CA10: variants seen among roughly 807,000 people sequenced by gnomAD.
The protein encoded by CA10 is carbonic anhydrase-related protein 10.
Under a neutral mutation model 44.2 loss-of-function variants are expected in CA10, and 14 were observed. The ratio of observed to expected loss-of-function variants is 0.32; its 90% CI spans 0.21 to 0.50. CA10 has a LOEUF of 0.50. Ranked by LOEUF, CA10 falls within the 20% of genes least tolerant of loss-of-function variation. CA10 has a pLI of 0.99. For missense variants in CA10, 350 were observed against 409.7 expected (o/e 0.85, Z 1.26); for synonymous variants, 159 against 141.6 (o/e 1.12, Z -0.87).
chr17:51,717,608 T>C (rs1280721073), intron 4 of CA10, among the ~76,000 whole-genome samples: 1 of 130,044 alleles, frequency 7.7e-6, no homozygotes, highest in Non-Finnish European at 1.6e-5. Flanking sequence ...TATATATACA[T>C]GTATACATGT....
chr17:51,855,094 C>T (rs1174858326), intron 3 of CA10, among the ~76,000 whole-genome samples: 1 of 152,006 alleles, frequency 6.6e-6, no homozygotes, highest in East Asian at 1.9e-4. Flanking sequence ...TTTAAATCAC[C>T]CCGGGTGTGC....
At chr17:51,731,491 C>A (rs1489935809) in intron 4 of CA10, among the ~76,000 whole-genome samples, 2 of 152,084 alleles carry the variant, frequency 1.3e-5, no homozygotes, top group Non-Finnish European at 2.9e-5. Flanking sequence ...GTGGACATAT[C>A]TGATGGACAA....
At chr17:51,983,544 C>A (rs1268082368) in intron 2 of CA10, among the ~76,000 whole-genome samples, 1 of 151,098 alleles carries the variant, frequency 6.6e-6, no homozygotes, top group Non-Finnish European at 1.5e-5. Flanking sequence ...TTTGTGAATC[C>A]CAGTTTACAA....
intron 2 of CA10, among the ~76,000 whole-genome samples, chr17:51,961,182 C>CACACAA (rs924423553): frequency 5.3e-4 from 51 of 96,982 alleles, no homozygotes; most frequent in African/African-American, 1.8e-3. Flanking sequence ...TCTGTATGTA[C>CACACAA]ACACAAACAC....
At chr17:51,945,449 A>T (rs987475521) in intron 2 of CA10, among the ~76,000 whole-genome samples, 2 of 152,144 alleles carry the variant, frequency 1.3e-5, no homozygotes, top group Admixed American at 6.5e-5. Flanking sequence ...CTAAATTCAG[A>T]TTAAATCAAC....
intron 3 of CA10, among the ~76,000 whole-genome samples, chr17:51,881,353 G>A (rs1022367920): frequency 3.3e-5 from 5 of 151,032 alleles, no homozygotes; most frequent in African/African-American, 9.7e-5. Context: ...ATAGCATAAT[G>A]TTTTTATAAT....
intron 2 of CA10, among the ~76,000 whole-genome samples, chr17:51,983,282 CAG>C (rs1379030945): frequency 1.3e-5 from 2 of 151,820 alleles, no homozygotes; most frequent in Non-Finnish European, 2.9e-5. Flanking sequence ...GCATTCATAA[CAG>C]AGAGTGGTTT....
At chr17:51,695,844 T>C in intron 4 of CA10, among the ~76,000 whole-genome samples, 1 of 152,156 alleles carries the variant, frequency 6.6e-6, no homozygotes, top group East Asian at 1.9e-4. Flanking sequence ...GTTTCTTTGA[T>C]GTCTTGTTTC....
At chr17:51,802,087 G>A (rs545334089) in intron 3 of CA10, among the ~76,000 whole-genome samples, 22 of 152,318 alleles carry the variant, frequency 1.4e-4, no homozygotes, top group Non-Finnish European at 2.9e-4. Flanking sequence ...CATACCCTGT[G>A]AATGATTCTG....
At chr17:52,057,800 T>C (rs916389052) in intron 2 of CA10, among the ~76,000 whole-genome samples, 8 of 152,102 alleles carry the variant, frequency 5.3e-5, no homozygotes, top group African/African-American at 1.9e-4. Flanking sequence ...TCATTATTAT[T>C]ATTAAATTCT....
At chr17:51,784,698 T>C (rs1249973290) in intron 3 of CA10, among the ~76,000 whole-genome samples, 1 of 152,238 alleles carries the variant, frequency 6.6e-6, no homozygotes, top group Admixed American at 6.5e-5. Flanking sequence ...GATGTTTTGT[T>C]ACAGGCATGC....
Position 51,717,837 on chromosome 17 carries a change from A to ACGTG in CA10, c.465+29795_465+29796insCACG, listed in dbSNP as rs1567815670. Among the ~76,000 whole-genome samples, 18 of 64,290 alleles carry ACGTG rather than the reference A, an allele frequency of 2.8e-4. 4 individuals carry two copies. Among genetic ancestry groups the ACGTG allele is most frequent in the African/African-American group, 6.6e-4 (10 of 15,078 alleles). The allele number at this position is 64,290 out of a possible 152,430, so 42.2% of individuals were successfully genotyped here. On this transcript the variant is annotated intron_variant, in intron 4 of 8. Transcript: ENST00000451037. ...CGTATATATATGTGTGTGTATATATATATATATATATATATATATATATAT... is the reference window on the plus strand; with the variant it reads ...CGTATATATATGTGTGTGTATATATACGTGTATATATATATATATATATATATAT...
At chr17:52,041,235 A>T (rs1156812260) in intron 2 of CA10, among the ~76,000 whole-genome samples, 1 of 152,128 alleles carries the variant, frequency 6.6e-6, no homozygotes, top group African/African-American at 2.4e-5. Flanking sequence ...TCAAAATGGC[A>T]AGACATACAA....
intron 2 of CA10, among the ~76,000 whole-genome samples, chr17:52,018,319 A>G (rs1986032370): frequency 6.6e-6 from 1 of 152,138 alleles, no homozygotes; most frequent in Admixed American, 6.6e-5. Context: ...AGCCACAGGC[A>G]ATAGACTCCA....
At chr17:51,979,919 T>C (rs1384144931) in intron 2 of CA10, among the ~76,000 whole-genome samples, 3 of 152,184 alleles carry the variant, frequency 2.0e-5, no homozygotes, top group South Asian at 2.1e-4. Context: ...ATCCAATCTG[T>C]CATTGATGGG....
chr17:51,864,709 T>C (rs1240529486), intron 3 of CA10, among the ~76,000 whole-genome samples: 2 of 152,216 alleles, frequency 1.3e-5, no homozygotes, highest in East Asian at 1.9e-4. Context: ...CAGGACAGCA[T>C]TTCAATTATG....
intron 3 of CA10, among the ~76,000 whole-genome samples, chr17:51,805,105 T>C (rs984415408): frequency 1.3e-5 from 2 of 152,222 alleles, no homozygotes; most frequent in African/African-American, 4.8e-5. Context: ...CTTTCAGCAC[T>C]GTCTGCATGA....
chr17:51,954,024 T>C (rs1297385523), intron 2 of CA10, among the ~76,000 whole-genome samples: 1 of 152,172 alleles, frequency 6.6e-6, no homozygotes, highest in Non-Finnish European at 1.5e-5. Flanking sequence ...TTCAAGTCCA[T>C]TATCATTTGT....
chr17:51,655,588 C>A (rs1162294446), intron 4 of CA10, among the ~76,000 whole-genome samples: 1 of 152,198 alleles, frequency 6.6e-6, no homozygotes, highest in Non-Finnish European at 1.5e-5. Context: ...CCCACCTGTG[C>A]CTGTCTATGC....
Sources: gnomAD v4.1 joint callset for allele counts (sites outside exome capture counted in the v4.1 genomes callset) on GRCh38, gnomAD v4.1.1 for gene constraint, MANE v1.5 for transcripts, NCBI Gene and HGNC (gene_info 2026-07-23, HGNC 2026-07-21) for gene names.